CYTH1: variants seen among roughly 807,000 people sequenced by gnomAD.
The protein encoded by CYTH1 is cytohesin 1.
In CYTH1, 18 loss-of-function variants were observed where a neutral mutation model predicts 61.8. That is an observed-to-expected ratio of 0.29 (90% CI 0.20 to 0.43). CYTH1 has a LOEUF of 0.43. Among genes scored for constraint, CYTH1 ranks in the 20% least tolerant of loss-of-function variants. The pLI is 1.00. For missense variants in CYTH1, 336 were observed against 510.5 expected (o/e 0.66, Z 3.29); for synonymous variants, 174 against 184.3 (o/e 0.94, Z 0.45).
intron 3 of CYTH1, among the ~76,000 whole-genome samples, chr17:78,707,562 A>G (rs2093080780): frequency 6.6e-6 from 1 of 152,164 alleles, no homozygotes; most frequent in Non-Finnish European, 1.5e-5. Flanking sequence ...TTTCCTTTAC[A>G]CAAAGGAAAA....
chr17:78,732,814 C>T (rs1040535746), intron 1 of CYTH1, among the ~76,000 whole-genome samples: 1 of 151,928 alleles, frequency 6.6e-6, no homozygotes, highest in African/African-American at 2.4e-5. Context: ...AACCACCGGG[C>T]GCGGTGGCTC....
Position 78,714,872 on chromosome 17 carries a change from G to GA in CYTH1, c.23-5141dup, listed in dbSNP as rs141113308. 7.7e-3 allele frequency among the ~76,000 whole-genome samples: 1,121 copies of GA among 145,680 alleles called. 55 individuals carry two copies. In the East Asian group the frequency reaches 0.13, roughly 17 times the overall value. ...GAGATAATTAGGGGGAAAAAAGAAA[G>GA]AAAAAAAAAACCTTTAAAAGAACAG... On this transcript the variant is annotated intron_variant, in intron 1 of 13. Coordinates refer to ENST00000446868, the MANE Select transcript of CYTH1 (RefSeq NM_004762.6).
chr17:78,676,506 T>C (rs868733661), intron 13 of CYTH1: 2 of 305,526 alleles, frequency 6.5e-6, no homozygotes, highest in Admixed American at 4.9e-5. Flanking sequence ...TGAGTTTCCA[T>C]GATGACATCT....
chr17:78,718,795 C>T (rs1463678137), intron 1 of CYTH1, among the ~76,000 whole-genome samples: 2 of 152,204 alleles, frequency 1.3e-5, no homozygotes, highest in Non-Finnish European at 1.5e-5. Flanking sequence ...GTGAGGAATG[C>T]GTGATGGAAA....
At chr17:78,762,940 T>C (rs893016298) in intron 1 of CYTH1, among the ~76,000 whole-genome samples, 1 of 152,160 alleles carries the variant, frequency 6.6e-6, no homozygotes, top group African/African-American at 2.4e-5. Flanking sequence ...AAGATAATAA[T>C]GTATATTGTC....
At chr17:78,706,078 A>G (rs1245309379) in intron 3 of CYTH1, among the ~76,000 whole-genome samples, 6 of 152,340 alleles carry the variant, frequency 3.9e-5, no homozygotes, top group Admixed American at 2.6e-4. Context: ...AATTTTCTGC[A>G]GTAAAGGTGT....
At chr17:78,762,546 T>C (rs575907799) in intron 1 of CYTH1, among the ~76,000 whole-genome samples, 2 of 152,224 alleles carry the variant, frequency 1.3e-5, no homozygotes, top group African/African-American at 2.4e-5. Context: ...AAGATATACA[T>C]GTCCTAATCA....
intron 1 of CYTH1, among the ~76,000 whole-genome samples, chr17:78,781,913 C>A (rs920650819): frequency 2.7e-4 from 41 of 151,634 alleles, no homozygotes; most frequent in Non-Finnish European, 5.8e-4. Flanking sequence ...CGCGGCGACC[C>A]CTGGCCCCGC....
At chr17:78,699,048 G>T in intron 7 of CYTH1, 80 bp from the exon 8 acceptor site, 1 of 1,516,534 alleles carries the variant, frequency 6.6e-7, no homozygotes, top group Non-Finnish European at 9.0e-7. Context: ...AGCAAGAGTG[G>T]TATCAGATGA....
At chr17:78,771,530 A>G (rs1598927779) in intron 1 of CYTH1, among the ~76,000 whole-genome samples, 1 of 152,070 alleles carries the variant, frequency 6.6e-6, no homozygotes, top group Non-Finnish European at 1.5e-5. Flanking sequence ...CAGGAGATAG[A>G]CACCATCCTG....
chr17:78,735,858 A>G (rs1567867509), intron 1 of CYTH1, among the ~76,000 whole-genome samples: 2 of 152,356 alleles, frequency 1.3e-5, no homozygotes, highest in East Asian at 3.9e-4. Flanking sequence ...ATAAGGTGCC[A>G]CAATAAAATA....
At chr17:78,699,265 G>T (rs1348692639) in intron 7 of CYTH1, among the ~76,000 whole-genome samples, 1 of 151,932 alleles carries the variant, frequency 6.6e-6, no homozygotes, top group East Asian at 1.9e-4. Flanking sequence ...TTGGGAGGCC[G>T]AGGCAGGAGA....
At chr17:78,768,675 A>G (rs377343244) in intron 1 of CYTH1, among the ~76,000 whole-genome samples, 1 of 152,158 alleles carries the variant, frequency 6.6e-6, no homozygotes, top group East Asian at 1.9e-4. Flanking sequence ...GCCTGAATTC[A>G]AGCCCTCATC....
At position 78,700,620 on chromosome 17, in the gene CYTH1, G is replaced by T. The variant is rs1567841761; in HGVS notation, c.438-177C>A. On this transcript the variant is annotated intron_variant, in intron 6 of 13. Transcript: ENST00000446868. The surrounding 1 kb of genome is among the most constrained non-coding windows in gnomAD (Gnocchi z 5.1). ...GCTCACTGCAACCTCTGCCTGCCGG[G>T]TTCAGGCAATCTTCTGCCTCAGCCT... 6.6e-6 allele frequency among the ~76,000 whole-genome samples: 1 copy of T among 152,030 alleles called. No individual in the cohort carries two copies. Among genetic ancestry groups the T allele is most frequent in the Non-Finnish European group, 1.5e-5 (1 of 68,008 alleles).
chr17:78,679,612 T>C (rs2092736605), intron 13 of CYTH1, among the ~76,000 whole-genome samples: 1 of 152,294 alleles, frequency 6.6e-6, no homozygotes, highest in Non-Finnish European at 1.5e-5. Flanking sequence ...AGACCTTACA[T>C]GGCGTGGCCC....
chr17:78,726,912 T>C (rs1024736610), intron 1 of CYTH1, among the ~76,000 whole-genome samples: 66 of 152,182 alleles, frequency 4.3e-4, no homozygotes, highest in African/African-American at 1.5e-3. Context: ...CTACTCCAAC[T>C]CACACCTTCA....
At chr17:78,727,869 C>T (rs1264005563) in intron 1 of CYTH1, 2 of 358,690 alleles carry the variant, frequency 5.6e-6, no homozygotes, top group African/African-American at 4.3e-5. Context: ...CAGGGGCAGC[C>T]AAGGAGAGCA....
intron 1 of CYTH1, among the ~76,000 whole-genome samples, chr17:78,720,024 A>G (rs981824064): frequency 6.6e-6 from 1 of 152,208 alleles, no homozygotes; most frequent in African/African-American, 2.4e-5. Flanking sequence ...GATTCCACTG[A>G]TAAGAGGCCC....
At chr17:78,695,877 A>C (rs1011878028) in intron 10 of CYTH1, 130 bp downstream of exon 10, 5 of 1,280,724 alleles carry the variant, frequency 3.9e-6, no homozygotes, top group Middle Eastern at 2.2e-4. Flanking sequence ...ACTGTACAAT[A>C]AGTTAGAAGC....
Sources: allele counts gnomAD v4.1 joint callset (sites outside exome capture counted in the v4.1 genomes callset), GRCh38; gene constraint gnomAD v4.1.1; non-coding constraint Gnocchi (gnomAD v3.1); transcripts MANE v1.5; gene names NCBI Gene and HGNC (gene_info 2026-07-23, HGNC 2026-07-21).